The following SERP2 variants were observed in gnomAD, a reference collection of about 807,000 sequenced individuals.
SERP2 encodes stress-associated endoplasmic reticulum protein 2.
A neutral mutation model predicts 9.1 loss-of-function variants in SERP2; 6 were observed. The observed-to-expected ratio is 0.66, with a 90% CI of 0.36 to 1.30. The LOEUF is 1.30. Among genes scored for constraint, SERP2 ranks in the 50% most tolerant of loss-of-function variants. The probability of loss-of-function intolerance (pLI) is 0.03; values close to 1 mark genes in which losing one functional copy is unlikely to be tolerated. For synonymous variants in SERP2, 37 were observed against 27.3 expected (o/e 1.35, Z -1.10); for missense variants, 58 against 81.9 (o/e 0.71, Z 1.13).
rs759123816 is a variant in SERP2 at position 44,397,265 on chromosome 13, T to C, written c.158-7T>C. ...GTGTCTGAGCTGTGGTGTTTTCCTC[T>C]TTTCAGCTATCTTTCAGATCATTCA... On this transcript the variant is annotated splice_region_variant and splice_polypyrimidine_tract_variant and intron_variant, in intron 2 of 2. Transcript: ENST00000379179. 1.2e-6 allele frequency: 2 copies of C among 1,613,616 alleles called. No individual in the cohort carries two copies. The highest frequency in any genetic ancestry group is 4.5e-5 in the East Asian group (2 of 44,884).
chr13:44,397,052 C>G (rs1417279169), intron 2 of SERP2, among the ~76,000 whole-genome samples: 1 of 152,240 alleles, frequency 6.6e-6, no homozygotes, highest in Non-Finnish European at 1.5e-5. Context: ...CAGGAGTTAT[C>G]TATAAATCCC....
chr13:44,374,346 C>A (rs1359829399), intron 1 of SERP2, among the ~76,000 whole-genome samples: 1 of 152,178 alleles, frequency 6.6e-6, no homozygotes, highest in Admixed American at 6.5e-5. Flanking sequence ...CTGGGAGTGG[C>A]TACCTGGGCT....
intron 2 of SERP2, among the ~76,000 whole-genome samples, chr13:44,386,878 C>T (rs1028862536): frequency 8.5e-5 from 13 of 152,320 alleles, no homozygotes; most frequent in Middle Eastern, 3.4e-3. Context: ...CCCAGATCCA[C>T]ATCGAAGGCC....
intron 2 of SERP2, among the ~76,000 whole-genome samples, chr13:44,381,097 T>C (rs1871942094): frequency 6.6e-6 from 1 of 152,024 alleles, no homozygotes; most frequent in Admixed American, 6.6e-5. Context: ...AAGGGTAGCA[T>C]TTGGCAGCGC....
chr13:44,376,366 A>T (rs1193740592), intron 1 of SERP2, among the ~76,000 whole-genome samples: 1 of 152,262 alleles, frequency 6.6e-6, no homozygotes, highest in Admixed American at 6.5e-5. Flanking sequence ...GAAAATTCAG[A>T]CTAATTGTTC....
At chr13:44,392,165 T>C (rs1394168452) in intron 2 of SERP2, among the ~76,000 whole-genome samples, 1 of 111,074 alleles carries the variant, frequency 9.0e-6, no homozygotes, top group African/African-American at 3.6e-5. Flanking sequence ...GCCACTGCTC[T>C]CTAGGCTGGT....
chr13:44,385,512 G>A (rs1049237651), intron 2 of SERP2, among the ~76,000 whole-genome samples: 1 of 152,228 alleles, frequency 6.6e-6, no homozygotes, highest in Admixed American at 6.5e-5. Flanking sequence ...TGGTGAGAGG[G>A]AGTTTGGGGA....
chr13:44,375,252 A>G (rs942772994), intron 1 of SERP2, among the ~76,000 whole-genome samples: 2 of 152,094 alleles, frequency 1.3e-5, no homozygotes, highest in African/African-American at 4.8e-5. Context: ...TAGATCTGTA[A>G]TCATCACACC....
At chr13:44,392,189 T>A (rs1332749514) in intron 2 of SERP2, among the ~76,000 whole-genome samples, 1 of 586 alleles carries the variant, frequency 1.7e-3, no homozygotes, top group Non-Finnish European at 0.01. Flanking sequence ...AGAGTGAGAC[T>A]CTGTCTCAAA....
At chr13:44,379,489 T>G (rs1269412145) in intron 1 of SERP2, 152 bp from the exon 2 acceptor site, 4 of 508,996 alleles carry the variant, frequency 7.9e-6, no homozygotes, top group Non-Finnish European at 1.4e-5. Flanking sequence ...TTAATGGACT[T>G]CATTCATCTA....
chr13:44,384,384 A>G (rs189532288), intron 2 of SERP2, among the ~76,000 whole-genome samples: 60 of 152,238 alleles, frequency 3.9e-4, no homozygotes, highest in South Asian at 8.3e-4. Flanking sequence ...CCTCAAGTCT[A>G]GCCCATTTGT....
chr13:44,377,502 A>T (rs1871726319), intron 1 of SERP2, among the ~76,000 whole-genome samples: 1 of 152,236 alleles, frequency 6.6e-6, no homozygotes, highest in Non-Finnish European at 1.5e-5. Flanking sequence ...GGGCCAAAAA[A>T]TGGCACAGTT....
At chr13:44,377,844 C>T (rs917857659) in intron 1 of SERP2, among the ~76,000 whole-genome samples, 29 of 152,198 alleles carry the variant, frequency 1.9e-4, no homozygotes, top group Non-Finnish European at 2.4e-4. Context: ...CTTTGATGAA[C>T]GTTTATTATC....
At chr13:44,374,597 G>T (rs56323325) in intron 1 of SERP2, among the ~76,000 whole-genome samples, 1,537 of 152,250 alleles carry the variant, frequency 0.01, 30 homozygotes, top group African/African-American at 0.035. Context: ...ATGGCTAAAT[G>T]GAGGCCACTT....
intron 2 of SERP2, among the ~76,000 whole-genome samples, chr13:44,395,283 G>C (rs907395411): frequency 5.3e-5 from 8 of 152,110 alleles, no homozygotes; most frequent in Non-Finnish European, 1.2e-4. Flanking sequence ...TTGTTGTAGG[G>C]TACTTTCTCT....
At chr13:44,395,599 G>A (rs1453935823) in intron 2 of SERP2, among the ~76,000 whole-genome samples, 12 of 107,434 alleles carry the variant, frequency 1.1e-4, no homozygotes, top group South Asian at 3.2e-4. Flanking sequence ...GGAAGACTCC[G>A]TCTCAAAAAA....
At chr13:44,373,658 A>C, upstream of SERP2, 1 of 217,466 alleles carries the variant, frequency 4.6e-6, no homozygotes, top group Non-Finnish European at 9.0e-6. The surrounding 1 kb of genome is among the most constrained non-coding windows in gnomAD (Gnocchi z 4.8). Context: ...GCATTCGGCT[A>C]CAGGACCGCG....
At chr13:44,385,619 A>G (rs142781284) in intron 2 of SERP2, among the ~76,000 whole-genome samples, 67 of 152,290 alleles carry the variant, frequency 4.4e-4, no homozygotes, top group African/African-American at 1.4e-3. Flanking sequence ...AAACTGACCA[A>G]CTGGCACTCA....
chr13:44,396,077 T>C (rs1873085285), intron 2 of SERP2: 3 of 233,336 alleles, frequency 1.3e-5, no homozygotes, highest in Non-Finnish European at 2.6e-5. Flanking sequence ...ATCTCCAATT[T>C]AGAAAGGTAG....
Sources: allele counts gnomAD v4.1 joint callset (sites outside exome capture counted in the v4.1 genomes callset), GRCh38; gene constraint gnomAD v4.1.1; non-coding constraint Gnocchi (gnomAD v3.1); transcripts MANE v1.5; gene names NCBI Gene and HGNC (gene_info 2026-07-23, HGNC 2026-07-21).